The following MARCHF8 variants were observed in gnomAD, a reference collection of about 807,000 sequenced individuals.
The protein encoded by MARCHF8 is E3 ubiquitin-protein ligase MARCHF8.
In MARCHF8, 40 loss-of-function variants were observed where a neutral mutation model predicts 51.6. The observed-to-expected ratio is 0.77, with a 90% CI of 0.60 to 1.01. MARCHF8 has a LOEUF of 1.01. Ranked by LOEUF, MARCHF8 falls within the 50% of genes least tolerant of loss-of-function variation. MARCHF8 has a pLI of 0.00. For missense variants in MARCHF8, 685 were observed against 708.6 expected, an observed-to-expected ratio of 0.97 and a Z score of 0.38; for synonymous variants, 263 against 280.3, an observed-to-expected ratio of 0.94 and a Z score of 0.62.
At chr10:45,547,409 A>ACT (rs2044140672) in intron 1 of MARCHF8, among the ~76,000 whole-genome samples, 1 of 152,090 alleles carries the variant, frequency 6.6e-6, no homozygotes, top group Non-Finnish European at 1.5e-5. Context: ...TATTTCAAGG[A>ACT]CTCTCAGCTG....
intron 1 of MARCHF8, among the ~76,000 whole-genome samples, chr10:45,559,385 G>A (rs117018930): frequency 0.016 from 2,360 of 152,134 alleles, 32 homozygotes; most frequent in Non-Finnish European, 0.025. Flanking sequence ...TTTTTGAGAC[G>A]GAGTCTCACT....
At chr10:45,543,714 C>A (rs1203224786) in intron 1 of MARCHF8, among the ~76,000 whole-genome samples, 6 of 142,992 alleles carry the variant, frequency 4.2e-5, no homozygotes, top group Admixed American at 1.5e-4. Flanking sequence ...CGGAGAATGG[C>A]GTGAACCCGG....
intron 1 of MARCHF8, among the ~76,000 whole-genome samples, chr10:45,552,653 T>A (rs1271062773): frequency 6.6e-6 from 1 of 152,230 alleles, no homozygotes; most frequent in Non-Finnish European, 1.5e-5. Flanking sequence ...ATCTTCCAAG[T>A]GCCAGGCTCC....
chr10:45,489,918 C>T (rs940709802), intron 2 of MARCHF8, among the ~76,000 whole-genome samples: 2 of 152,212 alleles, frequency 1.3e-5, no homozygotes, highest in African/African-American at 2.4e-5. Flanking sequence ...CGGGATATCA[C>T]ACAGCTCACA....
In MARCHF8 at chr10:45,458,420, T is replaced by C. The variant is rs773340146; in HGVS notation, c.1541A>G (p.Tyr514Cys). 1.9e-6 allele frequency: 3 copies of C among 1,614,220 alleles called. No individual in the cohort carries two copies. Among genetic ancestry groups the C allele is most frequent in the East Asian group, 2.2e-5 (1 of 44,882 alleles). The change falls in exon 8 of 8, where the codon TAT (tyrosine) becomes TGT (cysteine). Residue 514 changes from tyrosine (Y) to cysteine (C), a missense_variant. Coordinates refer to ENST00000453424, the MANE Select transcript of MARCHF8 (RefSeq NM_001282866.2). ...YVQLWKRLKA[Y>C]NRVIYVQNCP... ...GTTTTGAACATAGATCACTCTATTATAGGCCTTGAGTCTCTTCCACAATTG... is the reference window on the plus strand; with the variant it reads ...GTTTTGAACATAGATCACTCTATTACAGGCCTTGAGTCTCTTCCACAATTG...
chr10:45,572,235 CTG>C (rs1171116188), intron 1 of MARCHF8, among the ~76,000 whole-genome samples: 1 of 149,880 alleles, frequency 6.7e-6, no homozygotes, highest in South Asian at 2.1e-4. Flanking sequence ...CACCCCTTCT[CTG>C]TGTCTCTACC....
At chr10:45,517,556 C>T (rs1453684920) in intron 2 of MARCHF8, among the ~76,000 whole-genome samples, 1 of 152,230 alleles carries the variant, frequency 6.6e-6, no homozygotes, top group Non-Finnish European at 1.5e-5. Flanking sequence ...AGACAACACT[C>T]TCCCTCTGCC....
At chr10:45,489,557 G>A (rs73285386) in intron 2 of MARCHF8, 140 bp from the exon 3 acceptor site, 9 of 662,662 alleles carry the variant, frequency 1.4e-5, no homozygotes, top group Non-Finnish European at 2.1e-5. Flanking sequence ...TATACTAGAT[G>A]TATGTAGCCA....
chr10:45,503,630 T>C (rs944684593), intron 2 of MARCHF8, among the ~76,000 whole-genome samples: 4 of 151,818 alleles, frequency 2.6e-5, no homozygotes, highest in Admixed American at 6.6e-5. Flanking sequence ...GGAAACTCGT[T>C]TCATTGATAC....
At chr10:45,589,736 G>C (rs1370619774) in intron 1 of MARCHF8, among the ~76,000 whole-genome samples, 3 of 152,168 alleles carry the variant, frequency 2.0e-5, no homozygotes, top group African/African-American at 7.2e-5. Context: ...TGTAGCATGA[G>C]TCAGTACTTC....
intron 1 of MARCHF8, among the ~76,000 whole-genome samples, chr10:45,578,662 C>G (rs1035049106): frequency 6.6e-6 from 1 of 152,178 alleles, no homozygotes; most frequent in South Asian, 2.1e-4. Context: ...GTAGAGAAAT[C>G]TGGCAGATAC....
intron 3 of MARCHF8, among the ~76,000 whole-genome samples, chr10:45,488,192 T>C (rs569337617): frequency 6.6e-6 from 1 of 152,258 alleles, no homozygotes; most frequent in Non-Finnish European, 1.5e-5. Context: ...AAGCCCTCCT[T>C]TCCCTAGCTG....
intron 1 of MARCHF8, among the ~76,000 whole-genome samples, chr10:45,582,670 G>A (rs1215996919): frequency 2.6e-5 from 4 of 152,130 alleles, no homozygotes; most frequent in East Asian, 1.9e-4. Context: ...TAACTCTTTC[G>A]CCCCTCAGAA....
At position 45,519,541 on chromosome 10, in the gene MARCHF8, T is replaced by C. The variant is rs75235500; in HGVS notation, c.102+13569A>G. On this transcript the variant is annotated intron_variant, in intron 2 of 7. Coordinates refer to ENST00000453424, the MANE Select transcript of MARCHF8 (RefSeq NM_001282866.2). ...CTATTACACCTACTCAATTCTGCCA[T>C]TGTCAGACAAAAGTAGTCACAAGGA... Among the ~76,000 whole-genome samples, 272 of 152,376 alleles carry C rather than the reference T, an allele frequency of 1.8e-3. 6 individuals carry two copies. In the East Asian group the frequency reaches 0.046, roughly 26 times the overall value.
intron 1 of MARCHF8, among the ~76,000 whole-genome samples, chr10:45,559,052 C>T (rs999215296): frequency 6.6e-6 from 1 of 152,156 alleles, no homozygotes; most frequent in Non-Finnish European, 1.5e-5. Flanking sequence ...TAATTTATGG[C>T]AATTTCAATT....
At chr10:45,514,728 A>G in intron 2 of MARCHF8, among the ~76,000 whole-genome samples, 1 of 152,252 alleles carries the variant, frequency 6.6e-6, no homozygotes, top group East Asian at 1.9e-4. Context: ...CGTCAATGAC[A>G]GTAAATGTTA....
At chr10:45,466,583 C>A (rs60710398) in intron 3 of MARCHF8, among the ~76,000 whole-genome samples, 3,729 of 152,174 alleles carry the variant, frequency 0.025, 154 homozygotes, top group African/African-American at 0.084. Flanking sequence ...CAAGGGATGG[C>A]AGCAGAGGAA....
chr10:45,466,549 G>C (rs1247632734), intron 3 of MARCHF8, among the ~76,000 whole-genome samples: 1 of 152,122 alleles, frequency 6.6e-6, no homozygotes, highest in South Asian at 2.1e-4. Flanking sequence ...AACTGATGAG[G>C]CATTGAAGGA....
chr10:45,582,130 TG>T (rs1185525616), intron 1 of MARCHF8, among the ~76,000 whole-genome samples: 63 of 152,338 alleles, frequency 4.1e-4, no homozygotes, highest in Non-Finnish European at 7.1e-4. Context: ...TATCCCTGGC[TG>T]GCTGGGACTT....
Sources: allele counts gnomAD v4.1 joint callset (sites outside exome capture counted in the v4.1 genomes callset), GRCh38; gene constraint gnomAD v4.1.1; transcripts MANE v1.5; gene names NCBI Gene and HGNC (gene_info 2026-07-23, HGNC 2026-07-21).